PDE11A: variants seen among roughly 807,000 people sequenced by gnomAD.
The protein encoded by PDE11A is phosphodiesterase 11A, also known as dual 3',5'-cyclic-AMP and -GMP phosphodiesterase 11A.
In PDE11A, 100 loss-of-function variants were observed where a neutral mutation model predicts 100.5. The observed-to-expected ratio is 1.00, with a 90% CI of 0.85 to 1.18. The LOEUF is 1.18. Among genes scored for constraint, PDE11A ranks in the 50% most tolerant of loss-of-function variants. The probability of loss-of-function intolerance (pLI) is 0.00; values close to 1 mark genes in which losing one functional copy is unlikely to be tolerated. For synonymous variants in PDE11A, 381 were observed against 420.8 expected (o/e 0.91, Z 1.16); for missense variants, 1,141 against 1,152.6 (o/e 0.99, Z 0.15).
intron 13 of PDE11A, among the ~76,000 whole-genome samples, chr2:177,703,015 G>A (rs1350442909): frequency 6.6e-6 from 1 of 151,998 alleles, no homozygotes; most frequent in Non-Finnish European, 1.5e-5. Context: ...ATATGCCTTT[G>A]TCTTGGCTGT....
chr2:177,963,781 G>A (rs1395823439), intron 2 of PDE11A, among the ~76,000 whole-genome samples: 2 of 152,174 alleles, frequency 1.3e-5, no homozygotes, highest in Non-Finnish European at 2.9e-5. Context: ...GATGGGGCAC[G>A]GTGGCTGCTT....
chr2:177,833,026 A>C (rs904847505), intron 6 of PDE11A, among the ~76,000 whole-genome samples: 45 of 152,264 alleles, frequency 3.0e-4, no homozygotes, highest in Admixed American at 2.7e-3. Flanking sequence ...TTTTAAAAAA[A>C]CTTTCAATCC....
At chr2:177,810,233 T>G (rs71423505) in intron 9 of PDE11A, among the ~76,000 whole-genome samples, 16,241 of 152,238 alleles carry the variant, frequency 0.11, 1,147 homozygotes, top group Non-Finnish European at 0.15. Flanking sequence ...AATGTTGTCA[T>G]GGCAGACAAA....
intron 2 of PDE11A, among the ~76,000 whole-genome samples, chr2:177,995,959 G>T (rs1289551966): frequency 1.3e-5 from 2 of 152,164 alleles, no homozygotes; most frequent in African/African-American, 4.8e-5. Flanking sequence ...GGGCGCGGTG[G>T]CTCAAGCCTG....
rs1461179397 is a variant in PDE11A at position 178,072,684 on chromosome 2, T to G, written c.-247A>C. On this transcript the variant is annotated 5_prime_UTR_variant, in exon 1 of 20. Coordinates refer to ENST00000286063, the MANE Select transcript of PDE11A (RefSeq NM_016953.4). Reference sequence around the variant, plus strand: ...TCCGCACAGGTGCCCAGCACTGAGCTGCCGCCGCTGCCCCGGCTCCTGTTC... The same window carrying G: ...TCCGCACAGGTGCCCAGCACTGAGCGGCCGCCGCTGCCCCGGCTCCTGTTC... 12 of 1,412,138 alleles carry G rather than the reference T, an allele frequency of 8.5e-6. No homozygotes were observed. Among genetic ancestry groups the G allele is most frequent in the Non-Finnish European group, 1.1e-5 (12 of 1,085,204 alleles). 87.5% of individuals were successfully genotyped at this position (1,412,138 alleles called of 1,614,324 possible). A position where few individuals can be genotyped will look rare whatever the true frequency, so the allele number is the denominator to read the frequency against.
chr2:178,038,630 G>A (rs2086645816), intron 1 of PDE11A, among the ~76,000 whole-genome samples: 1 of 152,120 alleles, frequency 6.6e-6, no homozygotes, highest in Non-Finnish European at 1.5e-5. Context: ...TGAAAAGAGG[G>A]TTGAGGGGGA....
intron 2 of PDE11A, among the ~76,000 whole-genome samples, chr2:177,916,668 T>C (rs550018572): frequency 6.8e-4 from 104 of 152,296 alleles, no homozygotes; most frequent in African/African-American, 2.5e-3. Flanking sequence ...GTGCTGACAT[T>C]TTCTCTGTGC....
chr2:178,094,890 T>C (rs2087469069), intron 2 of PDE11A, among the ~76,000 whole-genome samples: 2 of 152,150 alleles, frequency 1.3e-5, no homozygotes, highest in Admixed American at 1.3e-4. Flanking sequence ...CCATCAGATA[T>C]TGTGAGAACT....
intron 2 of PDE11A, among the ~76,000 whole-genome samples, chr2:177,965,177 GTGTC>G (rs1485391700): frequency 6.6e-6 from 1 of 152,130 alleles, no homozygotes; most frequent in Non-Finnish European, 1.5e-5. Context: ...CTTTTGAGAA[GTGTC>G]TGTTCATCTC....
intron 9 of PDE11A, among the ~76,000 whole-genome samples, chr2:177,800,148 A>G (rs907742121): frequency 1.3e-5 from 2 of 151,508 alleles, no homozygotes; most frequent in African/African-American, 4.9e-5. Flanking sequence ...AAAAACCTTA[A>G]GAATAATCCT....
intron 4 of PDE11A, among the ~76,000 whole-genome samples, chr2:177,887,061 T>A (rs2084446105): frequency 6.6e-6 from 1 of 152,136 alleles, no homozygotes; most frequent in Admixed American, 6.5e-5. Context: ...TAGCTTGGTG[T>A]AATATTACTA....
chr2:177,754,011 T>G (rs2082057326), intron 10 of PDE11A, among the ~76,000 whole-genome samples: 2 of 152,110 alleles, frequency 1.3e-5, no homozygotes, highest in Non-Finnish European at 2.9e-5. Flanking sequence ...TCATCCTCCT[T>G]TCCAGCTGAC....
intron 6 of PDE11A, among the ~76,000 whole-genome samples, chr2:177,834,316 C>A (rs1574193132): frequency 6.6e-6 from 1 of 152,204 alleles, no homozygotes; most frequent in African/African-American, 2.4e-5. Flanking sequence ...TGTCCTCAGA[C>A]TTTTTCTGAA....
chr2:178,044,428 T>TATATG (rs2086722963), intron 1 of PDE11A, among the ~76,000 whole-genome samples: 5 of 147,408 alleles, frequency 3.4e-5, no homozygotes, highest in African/African-American at 1.2e-4. Context: ...ATATATATGT[T>TATATG]TATATACATA....
rs1213936551 is a variant in PDE11A at position 177,697,373 on chromosome 2, CA to C, written c.2303del (p.Leu768Ter). 1.2e-6 allele frequency: 2 copies of C among 1,602,644 alleles called. No individual in the cohort carries two copies. The highest frequency in any genetic ancestry group is 1.3e-5 in the African/African-American group (1 of 74,764). On this transcript the variant is annotated frameshift_variant, in exon 15 of 20. Transcript: ENST00000286063. LOFTEE classifies it high-confidence loss of function. ...GGTCTGTTGCCAATATTGACTGCTT[CA>C]AAAGCTGCATAAGGTCACTATATTC... ...SKEYSDLMQL[L>X]KQSILATDLT...
intron 2 of PDE11A, among the ~76,000 whole-genome samples, chr2:178,088,398 T>C (rs756197461): frequency 6.6e-6 from 1 of 152,156 alleles, no homozygotes; most frequent in Non-Finnish European, 1.5e-5. Context: ...TCTTGAAAAA[T>C]AAATGATATG....
At chr2:177,686,386 G>A (rs1276145872) in intron 15 of PDE11A, among the ~76,000 whole-genome samples, 1 of 152,138 alleles carries the variant, frequency 6.6e-6, no homozygotes, top group Non-Finnish European at 1.5e-5. Flanking sequence ...TAGCAACAAA[G>A]TGGGATTCCG....
chr2:178,034,302 A>G (rs1364712708), intron 1 of PDE11A, among the ~76,000 whole-genome samples: 4 of 151,094 alleles, frequency 2.6e-5, no homozygotes, highest in African/African-American at 9.7e-5. Context: ...GACAAAAGGG[A>G]TCAACGCAAC....
chr2:177,919,004 C>T (rs1038083106), intron 2 of PDE11A, among the ~76,000 whole-genome samples: 1 of 152,056 alleles, frequency 6.6e-6, no homozygotes, highest in East Asian at 1.9e-4. Flanking sequence ...ACTGATAGCA[C>T]ATCATGATAA....
Sources: allele counts gnomAD v4.1 joint callset (sites outside exome capture counted in the v4.1 genomes callset), GRCh38; gene constraint gnomAD v4.1.1; transcripts MANE v1.5; gene names NCBI Gene and HGNC (gene_info 2026-07-23, HGNC 2026-07-21).